Variants in PEBP4 observed in about 807,000 individuals in gnomAD.
The protein encoded by PEBP4 is phosphatidylethanolamine binding protein 4.
A neutral mutation model predicts 23.9 loss-of-function variants in PEBP4; 22 were observed. The observed-to-expected ratio is 0.92, with a 90% CI of 0.66 to 1.31. PEBP4 has a LOEUF of 1.31. Among genes scored for constraint, PEBP4 ranks in the 40% most tolerant of loss-of-function variants. The probability of loss-of-function intolerance (pLI) is 0.00; values close to 1 mark genes in which losing one functional copy is unlikely to be tolerated. For missense variants in PEBP4, 324 were observed against 281.7 expected (o/e 1.15, Z -1.07); for synonymous variants, 112 against 99.3 (o/e 1.13, Z -0.76).
At chr8:22,715,882 G>A (rs957229159) in intron 6 of PEBP4, among the ~76,000 whole-genome samples, 5 of 152,212 alleles carry the variant, frequency 3.3e-5, no homozygotes, top group African/African-American at 9.7e-5. Context: ...GAGCTGGAGA[G>A]CTAGGAGGCT....
intron 4 of PEBP4, among the ~76,000 whole-genome samples, chr8:22,752,164 C>A (rs2128751895): frequency 6.6e-6 from 1 of 152,294 alleles, no homozygotes; most frequent in South Asian, 2.1e-4. Context: ...CCACCTTGGC[C>A]TCCCAAAGTG....
chr8:22,882,507 C>T (rs1217328281), intron 3 of PEBP4, among the ~76,000 whole-genome samples: 1 of 152,102 alleles, frequency 6.6e-6, no homozygotes, highest in Admixed American at 6.5e-5. Context: ...TGCTACCATG[C>T]CCTATTTTGA....
intron 3 of PEBP4, among the ~76,000 whole-genome samples, chr8:22,820,037 C>T (rs941467695): frequency 2.6e-5 from 4 of 151,990 alleles, no homozygotes; most frequent in Non-Finnish European, 4.4e-5. Context: ...AGAGGGGACA[C>T]GATCCAGAGT....
chr8:22,795,163 ATTTTTTTTTTTTTTTTTT>A (rs33911395), intron 4 of PEBP4, among the ~76,000 whole-genome samples: 3 of 47,346 alleles, frequency 6.3e-5, no homozygotes, highest in Admixed American at 3.4e-4. Context: ...ATATATATAT[ATTTTTTTTTTTTTTTTTT>A]TTTTTTTTTT....
At chr8:22,734,761 G>A (rs1311464796) in intron 4 of PEBP4, among the ~76,000 whole-genome samples, 1 of 152,154 alleles carries the variant, frequency 6.6e-6, no homozygotes, top group African/African-American at 2.4e-5. Context: ...TTCTCCAGTG[G>A]ATAAGACAAG....
At chr8:22,814,804 A>G (rs1420076628) in intron 4 of PEBP4, among the ~76,000 whole-genome samples, 1 of 152,198 alleles carries the variant, frequency 6.6e-6, no homozygotes, top group Non-Finnish European at 1.5e-5. Context: ...GTTTTATTTA[A>G]CAAGATAGTA....
chr8:22,719,238 G>A (rs1451380131), intron 6 of PEBP4, among the ~76,000 whole-genome samples: 2 of 152,218 alleles, frequency 1.3e-5, no homozygotes, highest in Non-Finnish European at 2.9e-5. Flanking sequence ...GGTGACCCAA[G>A]CCTCTCTTGC....
chr8:22,777,672 C>T (rs1243507515), intron 4 of PEBP4, among the ~76,000 whole-genome samples: 1 of 152,148 alleles, frequency 6.6e-6, no homozygotes, highest in East Asian at 1.9e-4. Context: ...GGGGTGGTGG[C>T]TGGGGCACCG....
chr8:22,853,737 T>G (rs1437699611), intron 3 of PEBP4, among the ~76,000 whole-genome samples: 1 of 152,148 alleles, frequency 6.6e-6, no homozygotes, highest in African/African-American at 2.4e-5. Flanking sequence ...AGTCCAGCAC[T>G]CCCTCTTTGG....
intron 4 of PEBP4, among the ~76,000 whole-genome samples, chr8:22,817,341 A>T (rs1806765407): frequency 6.6e-6 from 1 of 152,226 alleles, no homozygotes; most frequent in South Asian, 2.1e-4. Context: ...GCTTGAAATT[A>T]AATCACCACT....
intron 4 of PEBP4, among the ~76,000 whole-genome samples, chr8:22,772,798 T>C (rs1004354367): frequency 7.2e-5 from 11 of 152,116 alleles, no homozygotes; most frequent in African/African-American, 2.4e-4. Flanking sequence ...CTTAGACAAA[T>C]AGGAAGATTC....
intron 3 of PEBP4, chr8:22,895,443 G>A (rs559337782): frequency 3.3e-5 from 5 of 152,254 alleles, no homozygotes; most frequent in East Asian, 3.9e-4. Context: ...GGGGGACACC[G>A]GCATTCTGTT....
chr8:22,812,980 G>A (rs928735501), intron 4 of PEBP4, among the ~76,000 whole-genome samples: 6 of 152,208 alleles, frequency 3.9e-5, no homozygotes, highest in South Asian at 4.1e-4. Context: ...CAAACAACTC[G>A]CTCAGCAGTG....
In PEBP4 at chr8:22,785,567, G is replaced by A. The variant is rs114170138; in HGVS notation, c.357+32070C>T. ...CACAGATCCTGCTCCTGCTCCCTGA[G>A]GGAGGAGGATTGAGACACAAGCCCA... is the stretch of plus-strand genomic sequence containing the variant. On this transcript the variant is annotated intron_variant, in intron 4 of 6. Coordinates refer to ENST00000256404, the MANE Select transcript of PEBP4 (RefSeq NM_144962.3). Among the ~76,000 whole-genome samples, 860 of 152,336 alleles carry A rather than the reference G, an allele frequency of 5.6e-3. 8 individuals carry two copies. Among genetic ancestry groups the A allele is most frequent in the African/African-American group, 0.02 (814 of 41,562 alleles).
intron 4 of PEBP4, among the ~76,000 whole-genome samples, chr8:22,736,956 A>T (rs2128749946): frequency 6.6e-6 from 1 of 152,250 alleles, no homozygotes; most frequent in South Asian, 2.1e-4. Context: ...GTCATTGTGG[A>T]TGCCAGTTTT....
chr8:22,917,181 G>C (rs1025708283), intron 3 of PEBP4, among the ~76,000 whole-genome samples: 2 of 152,028 alleles, frequency 1.3e-5, no homozygotes, highest in Non-Finnish European at 1.5e-5. Flanking sequence ...TGGTGGCATT[G>C]CTTCAGTCAC....
chr8:22,848,259 G>T (rs190989183), intron 3 of PEBP4, among the ~76,000 whole-genome samples: 13 of 152,238 alleles, frequency 8.5e-5, no homozygotes, highest in Non-Finnish European at 1.0e-4. Context: ...AGAGAGAGAC[G>T]AGAGGCTGTA....
chr8:22,762,438 G>A (rs965276084), intron 4 of PEBP4, among the ~76,000 whole-genome samples: 2 of 152,158 alleles, frequency 1.3e-5, no homozygotes, highest in African/African-American at 2.4e-5. Flanking sequence ...CCAGAATTCT[G>A]CTCCATCAGT....
At chr8:22,876,594 T>C (rs1808126205) in intron 3 of PEBP4, among the ~76,000 whole-genome samples, 1 of 152,246 alleles carries the variant, frequency 6.6e-6, no homozygotes, top group Non-Finnish European at 1.5e-5. Flanking sequence ...ATGTTCTGTC[T>C]CTACCTCAAC....
Sources: gnomAD v4.1 joint callset for allele counts (sites outside exome capture counted in the v4.1 genomes callset) on GRCh38, gnomAD v4.1.1 for gene constraint, MANE v1.5 for transcripts, NCBI Gene and HGNC (gene_info 2026-07-23, HGNC 2026-07-21) for gene names.